CYFIP2: variants seen among roughly 807,000 people sequenced by gnomAD.
The protein encoded by CYFIP2 is cytoplasmic FMR1-interacting protein 2.
In CYFIP2, 29 loss-of-function variants were observed where a neutral mutation model predicts 158.7. The ratio of observed to expected loss-of-function variants is 0.18; its 90% CI spans 0.14 to 0.25. CYFIP2 has a LOEUF of 0.25. CYFIP2 is among the 10% of genes least tolerant of loss of function. The probability of loss-of-function intolerance (pLI) is 1.00; values close to 1 mark genes in which losing one functional copy is unlikely to be tolerated. For missense variants in CYFIP2, 852 were observed against 1,639.5 expected (o/e 0.52, Z 8.29); for synonymous variants, 585 against 617.6 (o/e 0.95, Z 0.78).
intron 26 of CYFIP2, chr5:157,377,035 C>CT (rs1410766811): frequency 1.1e-5 from 4 of 375,140 alleles, no homozygotes; most frequent in South Asian, 7.9e-5. Flanking sequence ...GCCCTCAGGT[C>CT]CAGTCATCAG....
At chr5:157,365,356 G>A (rs959660117) in intron 26 of CYFIP2, 2 of 152,250 alleles carry the variant, frequency 1.3e-5, no homozygotes, top group Admixed American at 1.3e-4. Flanking sequence ...TTAAAAAACA[G>A]ATTAATATAT....
At chr5:157,308,958 T>C (rs1759473076) in intron 9 of CYFIP2, among the ~76,000 whole-genome samples, 1 of 152,100 alleles carries the variant, frequency 6.6e-6, no homozygotes, top group Non-Finnish European at 1.5e-5. Flanking sequence ...GTCTGAAAAA[T>C]ATGAATACCA....
chr5:157,300,931 C>T (rs754888547), intron 6 of CYFIP2, 35 bp downstream of exon 6: 1 of 1,497,516 alleles, frequency 6.7e-7, no homozygotes, highest in South Asian at 1.3e-5. Flanking sequence ...CTTTCCCCAT[C>T]CAGGCCCCTC....
intron 23 of CYFIP2, among the ~76,000 whole-genome samples, chr5:157,356,936 T>G (rs1204055498): frequency 6.6e-6 from 1 of 152,200 alleles, no homozygotes; most frequent in Non-Finnish European, 1.5e-5. Flanking sequence ...AACATCAGCT[T>G]CAGTGAACAT....
chr5:157,358,125 G>A (rs1286391469), intron 23 of CYFIP2, among the ~76,000 whole-genome samples: 1 of 152,170 alleles, frequency 6.6e-6, no homozygotes, highest in Non-Finnish European at 1.5e-5. Context: ...TCCGTAAGCG[G>A]CAGCATTTCC....
intron 3 of CYFIP2, among the ~76,000 whole-genome samples, chr5:157,292,319 A>G (rs1348775868): frequency 6.6e-6 from 1 of 151,872 alleles, no homozygotes; most frequent in Non-Finnish European, 1.5e-5. Flanking sequence ...TCCCGGGTTC[A>G]AGTGATTCTT....
chr5:157,336,226 G>A (rs900237186), intron 21 of CYFIP2, among the ~76,000 whole-genome samples: 1 of 152,166 alleles, frequency 6.6e-6, no homozygotes, highest in African/African-American at 2.4e-5. Flanking sequence ...GCAAAGATTT[G>A]GGGAGTTAGT....
chr5:157,346,094 C>T (rs903877577), intron 23 of CYFIP2, among the ~76,000 whole-genome samples: 1 of 152,054 alleles, frequency 6.6e-6, no homozygotes, highest in Admixed American at 6.6e-5. Context: ...GACTCATGTG[C>T]CATTACATAG....
At chr5:157,298,775 G>A (rs1758462132) in intron 5 of CYFIP2, among the ~76,000 whole-genome samples, 1 of 152,146 alleles carries the variant, frequency 6.6e-6, no homozygotes, top group Non-Finnish European at 1.5e-5. Flanking sequence ...TGCTGCCATG[G>A]ATTTGCCTGT....
intron 15 of CYFIP2, 27 bp from the exon 16 acceptor site, chr5:157,323,894 C>G: frequency 1.3e-6 from 2 of 1,523,022 alleles, no homozygotes; most frequent in Non-Finnish European, 1.8e-6. Context: ...CAGCTTCTGA[C>G]CTTCTCATCT....
intron 13 of CYFIP2, 134 bp downstream of exon 13, chr5:157,315,228 A>C: frequency 2.4e-6 from 3 of 1,225,046 alleles, no homozygotes; most frequent in South Asian, 4.0e-5. Flanking sequence ...CATCTAAATT[A>C]ATCCGTCAGA....
intron 2 of CYFIP2, among the ~76,000 whole-genome samples, chr5:157,286,399 T>C (rs1757382868): frequency 6.7e-6 from 1 of 149,754 alleles, no homozygotes; most frequent in East Asian, 1.9e-4. Context: ...TTTTAACCAA[T>C]AGAGAACCAT....
intron 4 of CYFIP2, 31 bp downstream of exon 4, chr5:157,294,891 C>T (rs766695646): frequency 2.5e-6 from 4 of 1,587,822 alleles, no homozygotes; most frequent in African/African-American, 1.3e-5. Context: ...TGTCTCTTTC[C>T]CCTCCAGAGG....
At chr5:157,318,101 A>G (rs1760297953) in intron 13 of CYFIP2, among the ~76,000 whole-genome samples, 1 of 152,228 alleles carries the variant, frequency 6.6e-6, no homozygotes, top group Non-Finnish European at 1.5e-5. Flanking sequence ...GTGAGAATTC[A>G]TTCCATATTT....
At position 157,314,474 on chromosome 5, in the gene CYFIP2, C is replaced by T. The variant is rs145461098; in HGVS notation, c.1230+11C>T. On this transcript the variant is annotated intron_variant, in intron 12 of 30. Transcript: ENST00000620254. ...CACGTCATGGAGGTGGTAGGTGTCT[C>T]TGGGTAGAGGGCCTCACACTGACCT... is the stretch of plus-strand genomic sequence containing the variant. The T allele has an allele frequency of 1.2e-6, 2 of 1,612,870 alleles. No individual in the cohort carries two copies. The highest frequency in any genetic ancestry group is 1.7e-6 in the Non-Finnish European group (2 of 1,179,246).
At position 157,342,609 on chromosome 5, in the gene CYFIP2, C is replaced by T. The variant is rs73815844; in HGVS notation, c.2673+1452C>T. 1,525 of 417,666 alleles carry T rather than the reference C, an allele frequency of 3.7e-3. 27 individuals carry two copies. Among genetic ancestry groups the T allele is most frequent in the African/African-American group, 0.028 (1,407 of 50,766 alleles). 25.9% of individuals were successfully genotyped at this position (417,666 alleles called of 1,614,324 possible). On this transcript the variant is annotated intron_variant, in intron 23 of 30. Coordinates refer to ENST00000620254, the MANE Select transcript of CYFIP2 (RefSeq NM_001037333.3). ...TGTTTGTTTTAATGTTAAAACAATGCTTTCAATTCTTAACTGTGTCCTCCG... is the reference window on the plus strand; with the variant it reads ...TGTTTGTTTTAATGTTAAAACAATGTTTTCAATTCTTAACTGTGTCCTCCG...
At chr5:157,319,656 C>T (rs1760430475) in intron 13 of CYFIP2, 106 bp from the exon 14 acceptor site, 2 of 1,406,526 alleles carry the variant, frequency 1.4e-6, no homozygotes, top group Non-Finnish European at 9.7e-7. Context: ...TGGCCTCATG[C>T]CTCTGGACAT....
chr5:157,384,375 G>A (rs1374595940), intron 28 of CYFIP2: 1 of 456,748 alleles, frequency 2.2e-6, no homozygotes, highest in Non-Finnish European at 4.4e-6. Flanking sequence ...GGGTATTCTA[G>A]TGAGACAAGC....
chr5:157,379,668 C>CAAAAAAAAAAAAAAAAAAAAAAA (rs70984468), intron 26 of CYFIP2, among the ~76,000 whole-genome samples: 11 of 73,638 alleles, frequency 1.5e-4, no homozygotes, highest in African/African-American at 5.7e-4. Flanking sequence ...GACCCTGTCT[C>CAAAAAAAAAAAAAAAAAAAAAAA]AAAAAAAAAA....
Sources: gnomAD v4.1 joint callset for allele counts (sites outside exome capture counted in the v4.1 genomes callset) on GRCh38, gnomAD v4.1.1 for gene constraint, MANE v1.5 for transcripts, NCBI Gene and HGNC (gene_info 2026-07-23, HGNC 2026-07-21) for gene names.